Variants in CAST observed in about 807,000 individuals in gnomAD.
CAST encodes the protein calpastatin, also known as MIR583 host.
Under a neutral mutation model 119.6 loss-of-function variants are expected in CAST, and 76 were observed. The ratio of observed to expected loss-of-function variants is 0.64; its 90% CI spans 0.53 to 0.77. The LOEUF (loss-of-function observed/expected upper bound fraction) is 0.77. Among genes scored for constraint, CAST ranks in the 30% least tolerant of loss-of-function variants. CAST has a pLI of 0.00. For missense variants in CAST, 953 were observed against 946.5 expected, an observed-to-expected ratio of 1.01 and a Z score of -0.09; for synonymous variants, 319 against 331.6, an observed-to-expected ratio of 0.96 and a Z score of 0.41.
the CAST span, among the ~76,000 whole-genome samples, chr5:96,496,863 AT>A: frequency 5.3e-5 from 8 of 151,012 alleles, no homozygotes; most frequent in East Asian, 1.9e-4. Context: ...TTAGTGCTGT[AT>A]TTTTTTTTAT....
chr5:96,003,619 A>G, the CAST span, among the ~76,000 whole-genome samples: 1 of 152,160 alleles, frequency 6.6e-6, no homozygotes, highest in Non-Finnish European at 1.5e-5. Flanking sequence ...TTTGTTTCAC[A>G]GTAAAAAATT....
chr5:96,346,747 T>G, the CAST span, among the ~76,000 whole-genome samples: 3 of 152,052 alleles, frequency 2.0e-5, no homozygotes, highest in South Asian at 4.2e-4. Context: ...TGGGAATTGG[T>G]GGGTTCCATA....
the CAST span, among the ~76,000 whole-genome samples, chr5:96,360,857 G>A: frequency 1.3e-5 from 2 of 152,216 alleles, no homozygotes; most frequent in African/African-American, 4.8e-5. Flanking sequence ...GAGCTCAAGA[G>A]CTGTGCTGGG....
intron 1 of CAST, among the ~76,000 whole-genome samples, chr5:96,558,251 C>T (rs867477100): frequency 6.6e-6 from 1 of 152,132 alleles, no homozygotes; most frequent in East Asian, 1.9e-4. Flanking sequence ...CAAGAGAAAG[C>T]AGGAAAGATC....
the CAST span, among the ~76,000 whole-genome samples, chr5:96,055,522 A>C: frequency 1.3e-5 from 2 of 152,186 alleles, no homozygotes. Context: ...TATTCAATAT[A>C]AGGTGAATGT....
chr5:96,160,838 A>G, the CAST span, among the ~76,000 whole-genome samples: 1 of 152,192 alleles, frequency 6.6e-6, no homozygotes, highest in African/African-American at 2.4e-5. Context: ...ACTGTGGGTT[A>G]GATTGGTATT....
At chr5:96,373,750 T>G in the CAST span, among the ~76,000 whole-genome samples, 1 of 152,006 alleles carries the variant, frequency 6.6e-6, no homozygotes, top group Admixed American at 6.5e-5. Flanking sequence ...TTCTTCTCTT[T>G]TTTTTTTGTT....
chr5:96,468,414 C>A, the CAST span, among the ~76,000 whole-genome samples: 20 of 152,002 alleles, frequency 1.3e-4, no homozygotes, highest in Non-Finnish European at 2.9e-4. Flanking sequence ...TTCAGGTGTG[C>A]AATTTAAATG....
the CAST span, among the ~76,000 whole-genome samples, chr5:96,252,566 A>C: frequency 6.6e-6 from 1 of 152,142 alleles, no homozygotes; most frequent in African/African-American, 2.4e-5. Context: ...TTTAAAACTG[A>C]GGAAATTGAC....
At chr5:96,028,110 G>T in the CAST span, among the ~76,000 whole-genome samples, 3 of 152,024 alleles carry the variant, frequency 2.0e-5, no homozygotes, top group African/African-American at 7.2e-5. Context: ...TCAAATAGGA[G>T]ATTTTACAAA....
In CAST at chr5:96,682,484, C is replaced by G. The variant is rs141115645; in HGVS notation, c.138+6883C>G. 1.6e-4 allele frequency among the ~76,000 whole-genome samples: 24 copies of G among 152,230 alleles called. No homozygotes were observed. In the East Asian group the frequency reaches 2.7e-3, roughly 17 times the overall value. On this transcript the variant is annotated intron_variant, in intron 2 of 31. Transcript: ENST00000675179. ...CATGAAGGTAATACCATCTTGTTTC[C>G]TATCAAGGATGTACACTTTTGTCTG...
chr5:96,366,901 G>C, the CAST span, among the ~76,000 whole-genome samples: 10 of 152,268 alleles, frequency 6.6e-5, 2 homozygotes, highest in African/African-American at 2.2e-4. Context: ...GGGGAGAGGC[G>C]CTCTGATTTT....
chr5:96,616,997 CCTTT>C (rs765508713), intron 1 of CAST, among the ~76,000 whole-genome samples: 5 of 152,124 alleles, frequency 3.3e-5, no homozygotes, highest in Non-Finnish European at 7.3e-5. Context: ...CTTGACCACA[CCTTT>C]CTTATGGCTC....
At chr5:96,319,323 A>T in the CAST span, among the ~76,000 whole-genome samples, 3 of 152,194 alleles carry the variant, frequency 2.0e-5, no homozygotes, top group Admixed American at 2.0e-4. Flanking sequence ...TCAACATGAG[A>T]CTGGGAGGGG....
intron 1 of CAST, among the ~76,000 whole-genome samples, chr5:96,644,271 G>C (rs975395709): frequency 1.3e-5 from 2 of 152,146 alleles, no homozygotes; most frequent in Non-Finnish European, 2.9e-5. Context: ...GTGAAAGTCT[G>C]TCATTTAAAT....
intron 1 of CAST, among the ~76,000 whole-genome samples, chr5:96,538,250 A>G (rs1174614633): frequency 3.9e-5 from 6 of 152,214 alleles, no homozygotes; most frequent in Non-Finnish European, 7.4e-5. Flanking sequence ...TTAAAGGGAT[A>G]CAATTACCAG....
At chr5:96,028,267 T>C in the CAST span, among the ~76,000 whole-genome samples, 1 of 152,040 alleles carries the variant, frequency 6.6e-6, no homozygotes, top group African/African-American at 2.4e-5. Flanking sequence ...ATTGATAGTA[T>C]TCAAGAAATA....
At chr5:96,593,007 C>T (rs753153597) in intron 1 of CAST, among the ~76,000 whole-genome samples, 23 of 152,168 alleles carry the variant, frequency 1.5e-4, no homozygotes, top group Non-Finnish European at 2.9e-4. Context: ...CCTCGTGATC[C>T]GCCCGCCTCG....
At chr5:96,179,494 A>G in the CAST span, among the ~76,000 whole-genome samples, 1 of 152,168 alleles carries the variant, frequency 6.6e-6, no homozygotes, top group African/African-American at 2.4e-5. Flanking sequence ...CTAATACATC[A>G]TGTATCTTGA....
Sources: allele counts gnomAD v4.1 joint callset (sites outside exome capture counted in the v4.1 genomes callset), GRCh38; gene constraint gnomAD v4.1.1; transcripts MANE v1.5; gene names NCBI Gene and HGNC (gene_info 2026-07-23, HGNC 2026-07-21).